LINGO2: variants seen among roughly 807,000 people sequenced by gnomAD.
The protein encoded by LINGO2 is leucine rich repeat and Ig domain containing 2, also known as leucine-rich repeat and immunoglobulin-like domain-containing nogo receptor-interacting protein 2.
LINGO2 carries 14 observed loss-of-function variants against 30.6 expected under a neutral mutation model. That is an observed-to-expected ratio of 0.46 (90% CI 0.30 to 0.72). LINGO2 has a LOEUF of 0.72. Among genes scored for constraint, LINGO2 ranks in the 30% least tolerant of loss-of-function variants. The pLI is 0.07. For synonymous variants in LINGO2, 317 were observed against 288.5 expected (o/e 1.10, Z -1.00); for missense variants, 729 against 751.7 (o/e 0.97, Z 0.35).
At chr9:28,702,584 T>G in the LINGO2 span, among the ~76,000 whole-genome samples, 2 of 151,910 alleles carry the variant, frequency 1.3e-5, no homozygotes, top group African/African-American at 4.8e-5. Flanking sequence ...GAGACAATTA[T>G]GTCTACTTTG....
the LINGO2 span, among the ~76,000 whole-genome samples, chr9:29,082,258 C>A: frequency 6.6e-6 from 1 of 152,042 alleles, no homozygotes; most frequent in African/African-American, 2.4e-5. Flanking sequence ...CAGAACAGAG[C>A]ACTCAGAAAT....
chr9:29,148,847 A>G, the LINGO2 span, among the ~76,000 whole-genome samples: 2 of 152,236 alleles, frequency 1.3e-5, no homozygotes, highest in Non-Finnish European at 2.9e-5. Flanking sequence ...ATAACAAAAT[A>G]AAAGTATTCA....
At chr9:28,805,618 TA>T in the LINGO2 span, among the ~76,000 whole-genome samples, 1 of 152,196 alleles carries the variant, frequency 6.6e-6, no homozygotes, top group Non-Finnish European at 1.5e-5. Context: ...TAAAAATACT[TA>T]TTCAGTTTTC....
the LINGO2 span, among the ~76,000 whole-genome samples, chr9:29,047,255 C>G: frequency 6.6e-6 from 1 of 151,926 alleles, no homozygotes; most frequent in African/African-American, 2.4e-5. Flanking sequence ...CGTGAACAGA[C>G]ACTTCTCAAA....
intron 1 of LINGO2, among the ~76,000 whole-genome samples, chr9:28,566,777 C>G (rs999778899): frequency 2.0e-5 from 3 of 152,132 alleles, no homozygotes; most frequent in Non-Finnish European, 4.4e-5. Context: ...AAAATCACAT[C>G]ATTTCTTTCA....
chr9:28,613,536 T>G (rs1488908654), intron 1 of LINGO2, among the ~76,000 whole-genome samples: 1 of 152,046 alleles, frequency 6.6e-6, no homozygotes, highest in Non-Finnish European at 1.5e-5. Context: ...CATACTGATA[T>G]GTAGAAATGT....
the LINGO2 span, among the ~76,000 whole-genome samples, chr9:29,193,140 T>G: frequency 6.6e-6 from 1 of 152,194 alleles, no homozygotes; most frequent in Non-Finnish European, 1.5e-5. Context: ...ACTCCCTCCT[T>G]GCCCTCATTA....
chr9:28,734,735 T>C, the LINGO2 span, among the ~76,000 whole-genome samples: 14 of 152,168 alleles, frequency 9.2e-5, no homozygotes, highest in Non-Finnish European at 1.8e-4. Context: ...TAACCGAAAG[T>C]ACTATTGAGA....
chr9:28,137,509 GC>G (rs1432715196), intron 4 of LINGO2, among the ~76,000 whole-genome samples: 2 of 151,986 alleles, frequency 1.3e-5, no homozygotes, highest in Admixed American at 1.3e-4. Context: ...CATATTTAGG[GC>G]CTAGAATATT....
chr9:28,479,405 T>A (rs1248360639), intron 1 of LINGO2, among the ~76,000 whole-genome samples: 1 of 151,964 alleles, frequency 6.6e-6, no homozygotes, highest in Non-Finnish European at 1.5e-5. Flanking sequence ...AAGGACAATA[T>A]GCCAAAATAA....
At chr9:29,076,886 T>C in the LINGO2 span, among the ~76,000 whole-genome samples, 1 of 151,946 alleles carries the variant, frequency 6.6e-6, no homozygotes, top group African/African-American at 2.4e-5. Context: ...GCAAGTGCTA[T>C]ATAAAAGTTT....
the LINGO2 span, among the ~76,000 whole-genome samples, chr9:29,074,387 C>T: frequency 1.3e-5 from 2 of 152,164 alleles, no homozygotes; most frequent in South Asian, 2.1e-4. Context: ...AACCCACAAA[C>T]GGGCTAATAA....
At chr9:28,480,992 C>G (rs1328051418) in intron 1 of LINGO2, among the ~76,000 whole-genome samples, 1 of 152,066 alleles carries the variant, frequency 6.6e-6, no homozygotes, top group Non-Finnish European at 1.5e-5. Flanking sequence ...CCCAATTTCA[C>G]CAGATTAAAT....
At chr9:28,015,022 T>C (rs1271074595) in intron 4 of LINGO2, among the ~76,000 whole-genome samples, 1 of 152,080 alleles carries the variant, frequency 6.6e-6, no homozygotes, top group Non-Finnish European at 1.5e-5. Context: ...AGTGAATAAT[T>C]TTTAGTGGGT....
chr9:28,897,507 T>C, the LINGO2 span, among the ~76,000 whole-genome samples: 1 of 152,166 alleles, frequency 6.6e-6, no homozygotes, highest in Non-Finnish European at 1.5e-5. Flanking sequence ...TGCTATCTCT[T>C]GTCACCTTCT....
intron 1 of LINGO2, among the ~76,000 whole-genome samples, chr9:28,577,746 G>A (rs532624731): frequency 1.3e-5 from 2 of 152,220 alleles, no homozygotes; most frequent in Admixed American, 6.6e-5. Context: ...GGTGCAATAC[G>A]CATTCATTTC....
the LINGO2 span, among the ~76,000 whole-genome samples, chr9:28,678,330 C>T: frequency 6.6e-6 from 1 of 151,964 alleles, no homozygotes; most frequent in African/African-American, 2.4e-5. Context: ...TAGAGCAATC[C>T]TCTTTCCATT....
At chr9:28,769,375 T>C in the LINGO2 span, among the ~76,000 whole-genome samples, 368 of 147,852 alleles carry the variant, frequency 2.5e-3, 1 homozygote, top group African/African-American at 8.9e-3. Flanking sequence ...CTTTATGTTG[T>C]TACTCATTGT....
intron 1 of LINGO2, among the ~76,000 whole-genome samples, chr9:28,607,176 C>A (rs1380032616): frequency 3.3e-5 from 5 of 151,920 alleles, no homozygotes; most frequent in African/African-American, 1.2e-4. Context: ...AACACTAAAC[C>A]TTGATTTAAA....
Sources: allele counts gnomAD v4.1 joint callset (sites outside exome capture counted in the v4.1 genomes callset), GRCh38; gene constraint gnomAD v4.1.1; transcripts MANE v1.5; gene names NCBI Gene and HGNC (gene_info 2026-07-23, HGNC 2026-07-21).